Variants in KIAA0825 observed in about 807,000 individuals in gnomAD.
The protein encoded by KIAA0825 is KIAA0825, also known as uncharacterized protein KIAA0825.
Under a neutral mutation model 147.6 loss-of-function variants are expected in KIAA0825, and 119 were observed. The observed-to-expected ratio is 0.81, with a 90% CI of 0.69 to 0.94. The LOEUF is 0.94. Among genes scored for constraint, KIAA0825 ranks in the 40% least tolerant of loss-of-function variants. The pLI is 0.00. For synonymous variants in KIAA0825, 470 were observed against 518.1 expected, an observed-to-expected ratio of 0.91 and a Z score of 1.26; for missense variants, 1,381 against 1,472.7, an observed-to-expected ratio of 0.94 and a Z score of 1.02.
intron 20 of KIAA0825, among the ~76,000 whole-genome samples, chr5:94,275,828 C>A (rs1415222005): frequency 6.6e-6 from 1 of 152,088 alleles, no homozygotes; most frequent in East Asian, 1.9e-4. Context: ...CTGGCATCCA[C>A]CACACCCTCA....
At chr5:94,572,096 C>G (rs1313164343) in intron 2 of KIAA0825, among the ~76,000 whole-genome samples, 1 of 125,730 alleles carries the variant, frequency 8.0e-6, no homozygotes, top group Non-Finnish European at 1.8e-5. Context: ...GAGACTCTAT[C>G]TCTTAAAAAA....
At chr5:94,512,811 G>A (rs556982637) in intron 5 of KIAA0825, among the ~76,000 whole-genome samples, 6 of 151,988 alleles carry the variant, frequency 3.9e-5, no homozygotes, top group Non-Finnish European at 8.8e-5. Flanking sequence ...CAGGAGAATC[G>A]CTTTTACCTG....
rs772061121 is a variant in KIAA0825, at chr5:94,520,718, T to G, written c.500A>C (p.His167Pro). Reference protein sequence around the residue: ...VKSMWDDIRLHLRRFLVSKLQ... With the variant: ...VKSMWDDIRLPLRRFLVSKLQ... ...TTTGCTCACTAAGAAGCGTCGAAGA[T>G]GCAGTCTTATATCATCCCACATAGA... Residue 167 changes from histidine to proline, a missense_variant, in exon 5 of 21, where the codon CAT (histidine) becomes CCT (proline). By Grantham distance (77) the His-to-Pro change is moderately conservative. Coordinates refer to ENST00000682413, the MANE Select transcript of KIAA0825 (RefSeq NM_001145678.3). 1.2e-6 allele frequency: 2 copies of G among 1,613,456 alleles called. No homozygotes were observed.
chr5:94,573,285 T>TTC (rs1780329172), intron 2 of KIAA0825, among the ~76,000 whole-genome samples: 1 of 150,822 alleles, frequency 6.6e-6, no homozygotes, highest in African/African-American at 2.4e-5. Context: ...TTTTTTTTTT[T>TTC]TTTGAGAGGG....
At position 94,236,584 on chromosome 5, in the gene KIAA0825, T is replaced by C. The variant is rs189390228; in HGVS notation, c.3711-82460A>G. On this transcript the variant is annotated intron_variant, in intron 20 of 20. Transcript: ENST00000682413. ...CAGGGTTTGAGAGGATTAAGTTCAATTTTGAAAGAAGTTCTACTGTGGGTA... is the reference window on the plus strand; with the variant it reads ...CAGGGTTTGAGAGGATTAAGTTCAACTTTGAAAGAAGTTCTACTGTGGGTA... 7.2e-5 allele frequency among the ~76,000 whole-genome samples: 11 copies of C among 152,350 alleles called. No homozygotes were observed. The East Asian group carries it at 2.1e-3, about 29-fold the overall frequency.
chr5:94,515,653 G>A (rs910267304), intron 5 of KIAA0825, among the ~76,000 whole-genome samples: 3 of 151,940 alleles, frequency 2.0e-5, no homozygotes, highest in African/African-American at 7.3e-5. Flanking sequence ...GTAGCTGGGC[G>A]TGGTGGCAGG....
intron 20 of KIAA0825, among the ~76,000 whole-genome samples, chr5:94,302,705 A>G (rs1490414279): frequency 6.6e-6 from 1 of 152,124 alleles, no homozygotes. Flanking sequence ...AGATAGTTTT[A>G]AACAAAGAAA....
At position 94,523,992 on chromosome 5, in the gene KIAA0825, A is replaced by G. The variant is rs748460068; in HGVS notation, c.238T>C (p.Tyr80His). Residue 80 changes from tyrosine (Y) to histidine (H), a missense_variant, in exon 4 of 21, where the codon TAC (tyrosine) becomes CAC (histidine). Coordinates refer to ENST00000682413, the MANE Select transcript of KIAA0825 (RefSeq NM_001145678.3). ...DCFEWLTNYN[Y>H]STSESSFISH... ...ATGAAAGATGATTCAGATGTACTGT[A>G]ATTATAGTTAGTTAGCCATTCAAAG... is the stretch of plus-strand genomic sequence containing the variant. 3 of 1,609,272 alleles carry G rather than the reference A, an allele frequency of 1.9e-6. No individual in the cohort carries two copies. The South Asian group carries it at 3.3e-5, about 18-fold the overall frequency.
At chr5:94,403,890 G>A (rs1751704972) in intron 15 of KIAA0825, 97 bp from the exon 16 acceptor site, 1 of 1,004,748 alleles carries the variant, frequency 1.0e-6, no homozygotes, top group Non-Finnish European at 1.5e-6. Context: ...CTAGTTTAAA[G>A]CTATAGGAAA....
intron 20 of KIAA0825, among the ~76,000 whole-genome samples, chr5:94,169,290 A>T (rs1423082561): frequency 1.3e-5 from 2 of 152,216 alleles, no homozygotes; most frequent in Non-Finnish European, 2.9e-5. Context: ...AAGTTAAAAA[A>T]TTTAAAACTG....
intron 5 of KIAA0825, among the ~76,000 whole-genome samples, chr5:94,511,990 A>G (rs996738008): frequency 2.0e-5 from 3 of 150,176 alleles, no homozygotes; most frequent in Non-Finnish European, 3.0e-5. Flanking sequence ...ACTCTGTCTC[A>G]AAAAAAAAAT....
intron 13 of KIAA0825, among the ~76,000 whole-genome samples, chr5:94,443,917 G>A (rs1458251457): frequency 6.6e-6 from 1 of 152,166 alleles, no homozygotes; most frequent in African/African-American, 2.4e-5. Context: ...TATATATCAT[G>A]CAGAAGCTGC....
At chr5:94,379,409 G>T (rs1748056310) in intron 20 of KIAA0825, among the ~76,000 whole-genome samples, 1 of 152,104 alleles carries the variant, frequency 6.6e-6, no homozygotes, top group African/African-American at 2.4e-5. Context: ...TCAGATGGTT[G>T]TAGCTCTGTG....
intron 7 of KIAA0825, among the ~76,000 whole-genome samples, chr5:94,473,841 C>T (rs1387409715): frequency 6.6e-6 from 1 of 152,106 alleles, no homozygotes; most frequent in Non-Finnish European, 1.5e-5. Flanking sequence ...GCTACAGTTA[C>T]TATTTATCAC....
chr5:94,425,132 A>G (rs557431872), intron 14 of KIAA0825, among the ~76,000 whole-genome samples: 31 of 152,288 alleles, frequency 2.0e-4, no homozygotes, highest in African/African-American at 4.3e-4. Flanking sequence ...AACTCATTCT[A>G]TGAGGCCAGC....
chr5:94,307,772 G>A (rs1381667724), intron 20 of KIAA0825, among the ~76,000 whole-genome samples: 1 of 151,644 alleles, frequency 6.6e-6, no homozygotes, highest in East Asian at 1.9e-4. Context: ...AGAATCCTCT[G>A]TCATTTGGTA....
intron 20 of KIAA0825, among the ~76,000 whole-genome samples, chr5:94,224,283 GA>G (rs1323321300): frequency 6.6e-6 from 1 of 150,976 alleles, no homozygotes; most frequent in Non-Finnish European, 1.5e-5. Flanking sequence ...TTTTAATAAA[GA>G]CTGGTTTCGC....
intron 20 of KIAA0825, among the ~76,000 whole-genome samples, chr5:94,158,170 T>G (rs1767210814): frequency 6.6e-6 from 1 of 152,168 alleles, no homozygotes; most frequent in African/African-American, 2.4e-5. Context: ...GGGTTCTTTC[T>G]CATGTATAAA....
chr5:94,305,576 A>T (rs1356422523), intron 20 of KIAA0825, among the ~76,000 whole-genome samples: 3 of 152,034 alleles, frequency 2.0e-5, no homozygotes. Flanking sequence ...AAACACTGTG[A>T]TATCAAAGTG....
Sources: gnomAD v4.1 joint callset for allele counts (sites outside exome capture counted in the v4.1 genomes callset) on GRCh38, gnomAD v4.1.1 for gene constraint, MANE v1.5 for transcripts, NCBI Gene and HGNC (gene_info 2026-07-23, HGNC 2026-07-21) for gene names.